Variants in PCDHGC4 observed in about 807,000 individuals in gnomAD.
PCDHGC4 encodes protocadherin gamma-C4.
In PCDHGC4, 15 loss-of-function variants were observed where a neutral mutation model predicts 59.7. The observed-to-expected ratio is 0.25, with a 90% CI of 0.17 to 0.39. The LOEUF is 0.39. Among genes scored for constraint, PCDHGC4 ranks in the 10% least tolerant of loss-of-function variants. The pLI is 1.00. For synonymous variants in PCDHGC4, 434 were observed against 481.4 expected, an observed-to-expected ratio of 0.90 and a Z score of 1.29; for missense variants, 1,016 against 1,189.5, an observed-to-expected ratio of 0.85 and a Z score of 2.15.
chr5:141,485,065 A>G lies in PCDHGC4; in HGVS notation c.-109A>G, dbSNP rs527439590. On this transcript the variant is annotated 5_prime_UTR_variant, in exon 1 of 4. Transcript: ENST00000306593. The surrounding 1 kb of genome is among the most constrained non-coding windows in gnomAD (Gnocchi z 5.7). ...TGCGGCGCCGGCCGAACCGCGCCAG[A>G]GCTGGCGCGGGGAAAGGGAGATAGG... The G allele has an allele frequency of 4.2e-5, 37 of 877,696 alleles. No individual in the cohort carries two copies. Among genetic ancestry groups the G allele is most frequent in the Non-Finnish European group, 6.5e-5 (36 of 552,826 alleles). The allele number at this position is 877,696 out of a possible 1,614,324, so 54.4% of individuals were successfully genotyped here. A position where few individuals can be genotyped will look rare whatever the true frequency, so the allele number is the denominator to read the frequency against.
intron 2 of PCDHGC4, among the ~76,000 whole-genome samples, chr5:141,497,893 C>T (rs1194262199): frequency 6.6e-6 from 1 of 152,132 alleles, no homozygotes; most frequent in Non-Finnish European, 1.5e-5. Flanking sequence ...GGATCTAGTC[C>T]AGTAACTTCA....
intron 1 of PCDHGC4, among the ~76,000 whole-genome samples, chr5:141,492,927 G>C (rs925569925): frequency 6.6e-6 from 1 of 152,180 alleles, no homozygotes; most frequent in Non-Finnish European, 1.5e-5. Context: ...AGCGATCTAG[G>C]GTCAGAGATT....
Position 141,489,471 on chromosome 5 carries a change from G to A in PCDHGC4, c.2442+1856G>A. ...AGGAGAATGGGCGCTATTTTTCCCT[G>A]AGCTTGATGAGTGGTGCCCTGGCAG... On this transcript the variant is annotated intron_variant, in intron 1 of 3. Transcript: ENST00000306593. This position sits in a 1 kb window ranked among gnomAD's most constrained non-coding sequence, Gnocchi z 4.5. 1 of 1,614,074 alleles carries A rather than the reference G, an allele frequency of 6.2e-7. No homozygotes were observed. The highest frequency in any genetic ancestry group is 8.5e-7 in the Non-Finnish European group (1 of 1,180,026).
chr5:141,503,164 C>G (rs1262310388), intron 2 of PCDHGC4, among the ~76,000 whole-genome samples: 2 of 152,068 alleles, frequency 1.3e-5, no homozygotes, highest in East Asian at 3.9e-4. Flanking sequence ...ATCACAATTG[C>G]AATTACTCTA....
Position 141,489,699 on chromosome 5 carries a change from A to G in PCDHGC4, c.2442+2084A>G. ...CAGCAGCATCTGGGGCACGATTCCC[A>G]CTGGACAGTGCCCAGGATCCGGATG... is the stretch of plus-strand genomic sequence containing the variant. On this transcript the variant is annotated intron_variant, in intron 1 of 3. Transcript: ENST00000306593. The surrounding 1 kb of genome is among the most constrained non-coding windows in gnomAD (Gnocchi z 4.5). The G allele has an allele frequency of 6.2e-7, 1 of 1,614,102 alleles. No homozygotes were observed. The highest frequency in any genetic ancestry group is 8.5e-7 in the Non-Finnish European group (1 of 1,179,956).
intron 2 of PCDHGC4, among the ~76,000 whole-genome samples, chr5:141,497,552 T>C (rs2099777669): frequency 6.6e-6 from 1 of 151,386 alleles, no homozygotes; most frequent in Non-Finnish European, 1.5e-5. Context: ...TTTTTTTTTT[T>C]TTTTTTAGAC....
rs2099705703 is a variant in PCDHGC4, at chr5:141,490,886, C to A, written c.2442+3271C>A. On this transcript the variant is annotated intron_variant, in intron 1 of 3. Transcript: ENST00000306593. This position sits in a 1 kb window ranked among gnomAD's most constrained non-coding sequence, Gnocchi z 5.4. The stretch of plus-strand genomic sequence containing the variant: ...TCTCCCCCATTGCATGCCAACACAT[C>A]TCTGCATGTGTTTGTCCTAGACGAG... The A allele has an allele frequency of 6.2e-7, 1 of 1,613,406 alleles. No homozygotes were observed. Among genetic ancestry groups the A allele is most frequent in the East Asian group, 2.2e-5 (1 of 44,878 alleles).
In PCDHGC4 at chr5:141,493,550, T is replaced by C. The variant is rs978188511; in HGVS notation, c.2443-1257T>C. On this transcript the variant is annotated intron_variant, in intron 1 of 3. Coordinates refer to ENST00000306593, the MANE Select transcript of PCDHGC4 (RefSeq NM_018928.3). This position sits in a 1 kb window ranked among gnomAD's most constrained non-coding sequence, Gnocchi z 4.3. Reference sequence around the variant, plus strand: ...ACTTGGCCAGTTATCCTTTTGGAGATTGAGTTCCCCCAGCTCCGTTTCCTC... The same window carrying C: ...ACTTGGCCAGTTATCCTTTTGGAGACTGAGTTCCCCCAGCTCCGTTTCCTC... Among the ~76,000 whole-genome samples the C allele has an allele frequency of 1.3e-5, 2 of 152,172 alleles. No homozygotes were observed. The highest frequency in any genetic ancestry group is 2.4e-5 in the African/African-American group (1 of 41,430).
rs547284271 is a variant in PCDHGC4 at position 141,489,064 on chromosome 5, C to G, written c.2442+1449C>G. On this transcript the variant is annotated intron_variant, in intron 1 of 3. Coordinates refer to ENST00000306593, the MANE Select transcript of PCDHGC4 (RefSeq NM_018928.3). This position sits in a 1 kb window ranked among gnomAD's most constrained non-coding sequence, Gnocchi z 4.5. ...TCCACTCAAATTCAGCTCCCCTCCC[C>G]CCTGCCCACCCCCGCCACTCGGTGA... 1.9e-4 allele frequency: 74 copies of G among 387,742 alleles called. No homozygotes were observed. The highest frequency in any genetic ancestry group is 1.5e-3 in the African/African-American group (70 of 47,296). The allele number at this position is 387,742 out of a possible 1,614,324, so 24.0% of individuals were successfully genotyped here. A position where few individuals can be genotyped will look rare whatever the true frequency, so the allele number is the denominator to read the frequency against.
At chr5:141,492,385 G>A (rs1224771842) in intron 1 of PCDHGC4, among the ~76,000 whole-genome samples, 1 of 152,208 alleles carries the variant, frequency 6.6e-6, no homozygotes, top group Non-Finnish European at 1.5e-5. Context: ...GGCCTGTTCC[G>A]GTCCACTCGC....
Position 141,485,220 on chromosome 5 carries a change from C to T in PCDHGC4, c.47C>T (p.Thr16Ile). The T allele has an allele frequency of 6.2e-7, 1 of 1,614,192 alleles. No homozygotes were observed. The highest frequency in any genetic ancestry group is 8.5e-7 in the Non-Finnish European group (1 of 1,180,024). The change falls in exon 1 of 4, where the codon ACC becomes ATC. Residue 16 changes from threonine to isoleucine, a missense_variant. Transcript: ENST00000306593. This position sits in a 1 kb window ranked among gnomAD's most constrained non-coding sequence, Gnocchi z 5.7. ...TGGACAGAAATCTGGCGGTGGGCTA[C>T]CCTTTTGTTCCTCTTTTACCACCTG... is the stretch of plus-strand genomic sequence containing the variant. ...RSWTEIWRWA[T>I]LLFLFYHLGY... is the part of the protein sequence containing the mutation.
In PCDHGC4 at chr5:141,486,334, C is replaced by T; in HGVS notation, c.1161C>T (p.Leu387=). 1.2e-6 allele frequency: 2 copies of T among 1,614,098 alleles called. No individual in the cohort carries two copies. ...CAGGGTCAAACGGAGATGTGAGCCT[C>T]CGCATTCCTGACCACTTGCCATTTG... ...PDSGSNGDVS[L]RIPDHLPFAL... is the part of the protein sequence containing the mutation. Residue 387 remains leucine, a synonymous_variant, in exon 1 of 4, where the codon CTC becomes CTT. Coordinates refer to ENST00000306593, the MANE Select transcript of PCDHGC4 (RefSeq NM_018928.3). This position sits in a 1 kb window ranked among gnomAD's most constrained non-coding sequence, Gnocchi z 5.0.
intron 1 of PCDHGC4, among the ~76,000 whole-genome samples, chr5:141,494,157 G>A (rs929922206): frequency 5.9e-5 from 9 of 152,312 alleles, no homozygotes; most frequent in African/African-American, 1.7e-4. Context: ...TGTCTGGCAC[G>A]GAGTTCTAGG....
At position 141,487,267 on chromosome 5, in the gene PCDHGC4, G is replaced by A; in HGVS notation, c.2094G>A (p.Val698=). 3 of 1,614,134 alleles carry A rather than the reference G, an allele frequency of 1.9e-6. No individual in the cohort carries two copies. The highest frequency in any genetic ancestry group is 2.5e-6 in the Non-Finnish European group (3 of 1,180,024). ...CCCTCTACTTGGCTGTGTCCCTAGT[G>A]GCAATTTGCTTTGTCTCCTTTGGCT... is the stretch of plus-strand genomic sequence containing the variant. The part of the protein sequence containing the change: ...RLTLYLAVSL[V]AICFVSFGSF... The change falls in exon 1 of 4, where the codon GTG becomes GTA. Residue 698 remains valine, a synonymous_variant. Transcript: ENST00000306593. The surrounding 1 kb of genome is among the most constrained non-coding windows in gnomAD (Gnocchi z 5.0).
At chr5:141,506,231 A>G (rs1453468632) in intron 3 of PCDHGC4, among the ~76,000 whole-genome samples, 4 of 152,082 alleles carry the variant, frequency 2.6e-5, no homozygotes, top group African/African-American at 4.8e-5. Context: ...CAGGAGGATC[A>G]TGAGGTCAGG....
Position 141,491,498 on chromosome 5 carries a change from C to G in PCDHGC4, c.2443-3309C>G. Reference sequence around the variant, plus strand: ...TCCAGCCCCAACCTGCAGGTGAGCTCGGACGGCACGCTCAAGTACATGGAG... The same window carrying G: ...TCCAGCCCCAACCTGCAGGTGAGCTGGGACGGCACGCTCAAGTACATGGAG... On this transcript the variant is annotated intron_variant, in intron 1 of 3. Transcript: ENST00000306593. The surrounding 1 kb of genome is among the most constrained non-coding windows in gnomAD (Gnocchi z 6.9). The G allele has an allele frequency of 6.2e-7, 1 of 1,614,102 alleles. No homozygotes were observed. Among genetic ancestry groups the G allele is most frequent in the Non-Finnish European group, 8.5e-7 (1 of 1,180,018 alleles).
rs1394484191 is a variant in PCDHGC4 at position 141,486,006 on chromosome 5, C to T, written c.833C>T (p.Thr278Ile). The T allele has an allele frequency of 6.2e-7, 1 of 1,614,190 alleles. No individual in the cohort carries two copies. Among genetic ancestry groups the T allele is most frequent in the Non-Finnish European group, 8.5e-7 (1 of 1,180,026 alleles). Reference sequence around the variant, plus strand: ...GACCTGGGTCCCAGTGGTAACGTCACCTTTTATTTCAGTGGTCATACCCCT... The same window carrying T: ...GACCTGGGTCCCAGTGGTAACGTCATCTTTTATTTCAGTGGTCATACCCCT... Reference protein sequence around the residue: ...DPDLGPSGNVTFYFSGHTPDR... With the variant: ...DPDLGPSGNVIFYFSGHTPDR... The change falls in exon 1 of 4, where the codon ACC becomes ATC. Residue 278 changes from threonine (T) to isoleucine (I), a missense_variant. Coordinates refer to ENST00000306593, the MANE Select transcript of PCDHGC4 (RefSeq NM_018928.3). This position sits in a 1 kb window ranked among gnomAD's most constrained non-coding sequence, Gnocchi z 5.0.
chr5:141,507,368 T>C (rs1446319165), intron 3 of PCDHGC4: 2 of 152,094 alleles, frequency 1.3e-5, no homozygotes, highest in Non-Finnish European at 2.9e-5. Context: ...GGGAGCCCTG[T>C]ACTTTTATTT....
rs1187459113 is a variant in PCDHGC4 at position 141,487,187 on chromosome 5, G to A, written c.2014G>A (p.Val672Ile). Residue 672 changes from valine (V) to isoleucine (I), a missense_variant, in exon 1 of 4, where the codon GTT becomes ATT. By Grantham distance (29) the Val-to-Ile change is conservative. Coordinates refer to ENST00000306593, the MANE Select transcript of PCDHGC4 (RefSeq NM_018928.3). This position sits in a 1 kb window ranked among gnomAD's most constrained non-coding sequence, Gnocchi z 5.0. The stretch of plus-strand genomic sequence containing the variant: ...GTCCTTAGAGGAAGACACTCATCCA[G>A]TTGTCCCAGATCTTCGAGAATCTTC... ...LVSLEEDTHP[V>I]VPDLRESSAP... is the part of the protein sequence containing the mutation. 1.2e-6 allele frequency: 2 copies of A among 1,613,826 alleles called. No homozygotes were observed. Among genetic ancestry groups the A allele is most frequent in the Admixed American group, 3.3e-5 (2 of 60,024 alleles).
Sources: gnomAD v4.1 joint callset for allele counts (sites outside exome capture counted in the v4.1 genomes callset) on GRCh38, gnomAD v4.1.1 for gene constraint, Gnocchi (gnomAD v3.1) non-coding constraint, MANE v1.5 for transcripts, NCBI Gene and HGNC (gene_info 2026-07-23, HGNC 2026-07-21) for gene names.